PARD3B: variants seen among roughly 807,000 people sequenced by gnomAD.
The protein encoded by PARD3B is partitioning defective 3 homolog B.
Under a neutral mutation model 130.2 loss-of-function variants are expected in PARD3B, and 103 were observed. The observed-to-expected ratio is 0.79, with a 90% CI of 0.67 to 0.93. The LOEUF is 0.93. PARD3B is among the 40% of genes least tolerant of loss of function. The probability of loss-of-function intolerance (pLI) is 0.00; values close to 1 mark genes in which losing one functional copy is unlikely to be tolerated. For missense variants in PARD3B, 1,609 were observed against 1,499.2 expected (o/e 1.07, Z -1.21); for synonymous variants, 583 against 553.2 (o/e 1.05, Z -0.76).
At chr2:205,604,885 C>G (rs537165161) in intron 22 of PARD3B, among the ~76,000 whole-genome samples, 1 of 152,294 alleles carries the variant, frequency 6.6e-6, no homozygotes, top group African/African-American at 2.4e-5. Flanking sequence ...TCCCATAGTT[C>G]TCAGGGAATT....
chr2:205,058,149 G>GTAGAATCAT, intron 4 of PARD3B, among the ~76,000 whole-genome samples: 1 of 151,902 alleles, frequency 6.6e-6, no homozygotes, highest in South Asian at 2.1e-4. Context: ...CCTTATACAA[G>GTAGAATCAT]TAGAATCATG....
intron 20 of PARD3B, among the ~76,000 whole-genome samples, chr2:205,481,909 A>G (rs2049251622): frequency 2.0e-5 from 3 of 152,158 alleles, no homozygotes; most frequent in Admixed American, 6.5e-5. Context: ...GAAATGTGAG[A>G]AGGTTGTTTC....
chr2:205,108,070 A>G (rs1207772462), intron 5 of PARD3B, among the ~76,000 whole-genome samples: 1 of 152,134 alleles, frequency 6.6e-6, no homozygotes, highest in African/African-American at 2.4e-5. Flanking sequence ...AAGGATATCT[A>G]TTCATTGATC....
At chr2:205,607,836 A>C (rs59226391) in intron 22 of PARD3B, among the ~76,000 whole-genome samples, 21,521 of 71,118 alleles carry the variant, frequency 0.3, 1,769 homozygotes, top group African/African-American at 0.41. Context: ...ACCCATACAC[A>C]CACACACACA....
At chr2:204,949,318 T>A (rs1229973907) in intron 2 of PARD3B, among the ~76,000 whole-genome samples, 1 of 152,054 alleles carries the variant, frequency 6.6e-6, no homozygotes, top group Non-Finnish European at 1.5e-5. Context: ...TTCTCTTTCT[T>A]TCTTTCTTCT....
At chr2:204,568,955 G>GAA (rs750550877) in intron 1 of PARD3B, among the ~76,000 whole-genome samples, 8 of 124,460 alleles carry the variant, frequency 6.4e-5, no homozygotes, top group Non-Finnish European at 8.8e-5. Context: ...ACTGTCTCAG[G>GAA]AAAAAAAAAA....
chr2:204,553,827 T>C (rs1330362512), intron 1 of PARD3B, among the ~76,000 whole-genome samples: 1 of 150,850 alleles, frequency 6.6e-6, no homozygotes, highest in Non-Finnish European at 1.5e-5. Flanking sequence ...AACCCAAACA[T>C]TGTATGTTCT....
intron 19 of PARD3B, among the ~76,000 whole-genome samples, chr2:205,406,967 C>G (rs2046436006): frequency 6.6e-6 from 1 of 152,168 alleles, no homozygotes; most frequent in African/African-American, 2.4e-5. Context: ...CTGCACCTGG[C>G]CTTCTAGTGT....
chr2:205,341,784 C>T lies in PARD3B; in HGVS notation c.2630+40083C>T, dbSNP rs758392873. ...TTGAAATGATGGATATGCTAATTAC[C>T]CTGATTTTGTCATTATACATTATAT... On this transcript the variant is annotated intron_variant, in intron 18 of 22. Transcript: ENST00000406610. This position sits in a 1 kb window ranked among gnomAD's most constrained non-coding sequence, Gnocchi z 4.3. Among the ~76,000 whole-genome samples the T allele has an allele frequency of 2.2e-4, 33 of 152,068 alleles. No individual in the cohort carries two copies. Among genetic ancestry groups the T allele is most frequent in the Non-Finnish European group, 3.7e-4 (25 of 67,946 alleles).
chr2:205,532,284 T>C (rs957807911), intron 21 of PARD3B, among the ~76,000 whole-genome samples: 3 of 152,168 alleles, frequency 2.0e-5, no homozygotes, highest in African/African-American at 7.2e-5. Flanking sequence ...CTTGATATTG[T>C]CATGTTTCTT....
chr2:205,357,660 G>GAA (rs56313624), intron 18 of PARD3B, among the ~76,000 whole-genome samples: 1 of 151,704 alleles, frequency 6.6e-6, no homozygotes, highest in East Asian at 1.9e-4. Context: ...AGTTTCATGA[G>GAA]AAAAAAAATA....
At chr2:204,691,268 A>G (rs983785565) in intron 2 of PARD3B, among the ~76,000 whole-genome samples, 7 of 152,262 alleles carry the variant, frequency 4.6e-5, no homozygotes, top group East Asian at 3.9e-4. Flanking sequence ...ATGGCAGTCT[A>G]TCACATCTAT....
chr2:204,856,106 T>G (rs1455857255), intron 2 of PARD3B, among the ~76,000 whole-genome samples: 2 of 152,204 alleles, frequency 1.3e-5, no homozygotes, highest in Non-Finnish European at 2.9e-5. Flanking sequence ...TTTTTATATC[T>G]TTTAGGAAAC....
chr2:205,609,437 C>A (rs186011150), intron 22 of PARD3B, among the ~76,000 whole-genome samples: 1 of 152,150 alleles, frequency 6.6e-6, no homozygotes, highest in African/African-American at 2.4e-5. Flanking sequence ...CGGGTACAGG[C>A]ACCTCTCTTA....
At position 205,124,348 on chromosome 2, in the gene PARD3B, C is replaced by T. The variant is rs2031123515; in HGVS notation, c.1187C>T (p.Thr396Ile). 1 of 1,583,086 alleles carries T rather than the reference C, an allele frequency of 6.3e-7. No homozygotes were observed. Among genetic ancestry groups the T allele is most frequent in the Admixed American group, 1.8e-5 (1 of 57,098 alleles). The change falls in exon 9 of 23, where the codon ACT (threonine) becomes ATT (isoleucine). Residue 396 changes from threonine (T) to isoleucine (I), a missense_variant. Physicochemically the swap from Thr to Ile is moderately conservative, Grantham distance 89. Coordinates refer to ENST00000406610, the MANE Select transcript of PARD3B (RefSeq NM_001302769.2). ...CTAGGCCCTGAAGGACTTGGTTTCA[C>T]TGTGGTTACCAGAGACTCTTCCATA... ...LKKGPEGLGF[T>I]VVTRDSSIHG...
At chr2:205,155,974 G>A (rs2034097956) in intron 10 of PARD3B, among the ~76,000 whole-genome samples, 1 of 152,004 alleles carries the variant, frequency 6.6e-6, no homozygotes, top group South Asian at 2.1e-4. Flanking sequence ...TATGTTTATT[G>A]CGGCACTATT....
chr2:205,367,663 A>G (rs2668144), intron 18 of PARD3B, among the ~76,000 whole-genome samples: 120,141 of 152,028 alleles, frequency 0.79, 48,476 homozygotes, highest in Admixed American at 0.89. Context: ...AACATCTCAG[A>G]GGCCAAAACC....
In PARD3B at chr2:205,265,328, C is replaced by T. The variant is rs1379259874; in HGVS notation, c.2185+19506C>T. Among the ~76,000 whole-genome samples, 2 of 151,932 alleles carry T rather than the reference C, an allele frequency of 1.3e-5. No homozygotes were observed. The highest frequency in any genetic ancestry group is 2.4e-5 in the African/African-American group (1 of 41,382). On this transcript the variant is annotated intron_variant, in intron 16 of 22. Transcript: ENST00000406610. The surrounding 1 kb of genome is among the most constrained non-coding windows in gnomAD (Gnocchi z 4.3). Reference sequence around the variant, plus strand: ...TGGAATCGATGCACTTTCAAGTTGGCGGATCTGATCATCAGTCTCTAAATG... The same window carrying T: ...TGGAATCGATGCACTTTCAAGTTGGTGGATCTGATCATCAGTCTCTAAATG...
intron 1 of PARD3B, among the ~76,000 whole-genome samples, chr2:204,603,080 A>G (rs963372705): frequency 6.6e-6 from 1 of 152,184 alleles, no homozygotes; most frequent in Non-Finnish European, 1.5e-5. Context: ...AAGAGGGTCC[A>G]TAAAAGAGCC....
Sources: gnomAD v4.1 joint callset for allele counts (sites outside exome capture counted in the v4.1 genomes callset) on GRCh38, gnomAD v4.1.1 for gene constraint, Gnocchi (gnomAD v3.1) non-coding constraint, MANE v1.5 for transcripts, NCBI Gene and HGNC (gene_info 2026-07-23, HGNC 2026-07-21) for gene names.